The following TLK2 variants were observed in gnomAD, a reference collection of about 807,000 sequenced individuals.
TLK2 encodes the protein tousled like kinase 2, also known as serine/threonine-protein kinase tousled-like 2.
A neutral mutation model predicts 117.3 loss-of-function variants in TLK2; 6 were observed. That is an observed-to-expected ratio of 0.05 (90% CI 0.03 to 0.10). The LOEUF is 0.10. Among genes scored for constraint, TLK2 ranks in the 10% least tolerant of loss-of-function variants. The pLI, the probability that TLK2 is intolerant of heterozygous loss-of-function variation, is 1.00. For synonymous variants in TLK2, 257 were observed against 316.7 expected (o/e 0.81, Z 2.00); for missense variants, 299 against 901.2 (o/e 0.33, Z 8.56).
intron 2 of TLK2, among the ~76,000 whole-genome samples, chr17:62,515,610 G>A (rs982603411): frequency 2.0e-5 from 3 of 152,120 alleles, no homozygotes; most frequent in Admixed American, 2.0e-4. Flanking sequence ...TCATGTGGTC[G>A]TTGGCCATTT....
chr17:62,545,358 C>A (rs1364303515), intron 7 of TLK2, among the ~76,000 whole-genome samples: 1 of 152,144 alleles, frequency 6.6e-6, no homozygotes, highest in Non-Finnish European at 1.5e-5. Context: ...TGTGTGTAAA[C>A]ATATTAGCTA....
intron 19 of TLK2, among the ~76,000 whole-genome samples, chr17:62,604,868 CAA>C (rs750239129): frequency 1.5e-5 from 2 of 136,878 alleles, no homozygotes; most frequent in African/African-American, 5.4e-5. Flanking sequence ...GACTCTGTCT[CAA>C]AAAAAAAAAA....
intron 9 of TLK2, among the ~76,000 whole-genome samples, chr17:62,559,494 C>T (rs1003888713): frequency 1.3e-5 from 2 of 151,804 alleles, no homozygotes; most frequent in Admixed American, 6.6e-5. Flanking sequence ...TCTCCCGCCT[C>T]AGCCTCCCGA....
chr17:62,568,626 C>G (rs2079998723), intron 11 of TLK2, among the ~76,000 whole-genome samples: 2 of 151,898 alleles, frequency 1.3e-5, no homozygotes, highest in African/African-American at 4.8e-5. Context: ...ACTCTATTGC[C>G]CAGGCTGCAG....
intron 15 of TLK2, among the ~76,000 whole-genome samples, chr17:62,582,985 T>A (rs1247105483): frequency 6.6e-6 from 1 of 152,248 alleles, no homozygotes; most frequent in African/African-American, 2.4e-5. Flanking sequence ...TCACTTAATA[T>A]TTTATTGTAT....
At chr17:62,531,479 G>A (rs1433217234) in intron 6 of TLK2, among the ~76,000 whole-genome samples, 1 of 152,108 alleles carries the variant, frequency 6.6e-6, no homozygotes, top group African/African-American at 2.4e-5. Flanking sequence ...TTTATAATCT[G>A]TTTGATAATT....
At chr17:62,579,424 A>G (rs1244097454) in intron 14 of TLK2, among the ~76,000 whole-genome samples, 2 of 152,204 alleles carry the variant, frequency 1.3e-5, no homozygotes, top group African/African-American at 4.8e-5. Flanking sequence ...CTAAACCACC[A>G]TGCAGTAATG....
intron 16 of TLK2, among the ~76,000 whole-genome samples, chr17:62,587,133 G>T (rs1216216686): frequency 6.6e-6 from 1 of 152,108 alleles, no homozygotes; most frequent in Admixed American, 6.6e-5. Context: ...TCTTTAAAAT[G>T]AATTGTTACA....
chr17:62,512,721 A>T (rs1217280518), intron 2 of TLK2, among the ~76,000 whole-genome samples: 3 of 151,936 alleles, frequency 2.0e-5, no homozygotes, highest in African/African-American at 4.8e-5. Flanking sequence ...TTTGTGGATT[A>T]GAGCTTTTGG....
intron 10 of TLK2, 101 bp from the exon 11 acceptor site, chr17:62,564,900 A>G: frequency 7.0e-7 from 1 of 1,426,142 alleles, no homozygotes. Context: ...ATGGTTTTCA[A>G]TAATATGTTT....
intron 10 of TLK2, among the ~76,000 whole-genome samples, chr17:62,562,229 G>A (rs1304077114): frequency 6.6e-6 from 1 of 152,058 alleles, no homozygotes; most frequent in Non-Finnish European, 1.5e-5. Context: ...GTGTGGGGGT[G>A]TGCGCCTGTA....
intron 11 of TLK2, among the ~76,000 whole-genome samples, chr17:62,567,235 A>T (rs143620834): frequency 6.6e-6 from 1 of 152,214 alleles, no homozygotes; most frequent in Non-Finnish European, 1.5e-5. Context: ...ACCCTGTCTC[A>T]TAACAAAACA....
chr17:62,548,460 T>G (rs1250574760), intron 7 of TLK2, among the ~76,000 whole-genome samples: 3 of 151,826 alleles, frequency 2.0e-5, no homozygotes, highest in Non-Finnish European at 4.4e-5. Context: ...TTTTTATATT[T>G]TTAGTAGAGA....
At chr17:62,542,083 A>G (rs966286680) in intron 7 of TLK2, among the ~76,000 whole-genome samples, 11 of 152,224 alleles carry the variant, frequency 7.2e-5, no homozygotes, top group Non-Finnish European at 1.5e-4. Context: ...ATTGGTGAGA[A>G]TGTTGTCAGG....
chr17:62,473,581 G>A (rs1274205790), intron 1 of TLK2, among the ~76,000 whole-genome samples: 1 of 152,184 alleles, frequency 6.6e-6, no homozygotes. Context: ...CCCCACCCCA[G>A]ACTGGCTGAA....
intron 2 of TLK2, among the ~76,000 whole-genome samples, chr17:62,490,818 A>G (rs2073038028): frequency 6.6e-6 from 1 of 152,250 alleles, no homozygotes; most frequent in African/African-American, 2.4e-5. Flanking sequence ...CTGGGATTAC[A>G]GGCATGAGCC....
At chr17:62,527,855 GC>G (rs1427564847) in intron 6 of TLK2, among the ~76,000 whole-genome samples, 1 of 151,906 alleles carries the variant, frequency 6.6e-6, no homozygotes, top group Non-Finnish European at 1.5e-5. Flanking sequence ...CGATTCTCCT[GC>G]CTCAGCCTCC....
chr17:62,570,823 C>T (rs1403969237), intron 11 of TLK2, among the ~76,000 whole-genome samples: 1 of 151,972 alleles, frequency 6.6e-6, no homozygotes. Context: ...TATGAATTGT[C>T]CTTGAAAATA....
At chr17:62,503,594 T>C (rs2074403663) in intron 2 of TLK2, among the ~76,000 whole-genome samples, 1 of 151,852 alleles carries the variant, frequency 6.6e-6, no homozygotes, top group Non-Finnish European at 1.5e-5. Flanking sequence ...AATTTTTGTG[T>C]TTTTAGGAGA....
Sources: allele counts gnomAD v4.1 joint callset (sites outside exome capture counted in the v4.1 genomes callset), GRCh38; gene constraint gnomAD v4.1.1; transcripts MANE v1.5; gene names NCBI Gene and HGNC (gene_info 2026-07-23, HGNC 2026-07-21).